LATS1: variants seen among roughly 807,000 people sequenced by gnomAD.
The protein encoded by LATS1 is large tumor suppressor kinase 1.
A neutral mutation model predicts 106.6 loss-of-function variants in LATS1; 25 were observed. That is an observed-to-expected ratio of 0.23 (90% CI 0.17 to 0.33). The LOEUF is 0.33. Among genes scored for constraint, LATS1 ranks in the 10% least tolerant of loss-of-function variants. The pLI is 1.00. For missense variants in LATS1, 1,040 were observed against 1,382.6 expected (o/e 0.75, Z 3.93); for synonymous variants, 465 against 455.6 (o/e 1.02, Z -0.26).
In LATS1 at chr6:149,717,942, CT is replaced by C. The variant is rs1371629377; in HGVS notation, c.-235del. On this transcript the variant is annotated 5_prime_UTR_variant, in exon 1 of 8. Transcript: ENST00000543571. ...TCCGTCCCAGCAACCCCAAGTATCC[CT>C]GGTGGGGCAGAGCGGGGAGACGAAC... 2.8e-6 allele frequency: 1 copy of C among 361,910 alleles called. No homozygotes were observed. The highest frequency in any genetic ancestry group is 5.3e-6 in the Non-Finnish European group (1 of 188,938). The allele number at this position is 361,910 out of a possible 1,614,324, so 22.4% of individuals were successfully genotyped here.
intron 7 of LATS1, among the ~76,000 whole-genome samples, chr6:149,663,812 A>ATT (rs781486645): frequency 1.4e-5 from 2 of 144,420 alleles, no homozygotes; most frequent in Admixed American, 7.0e-5. Flanking sequence ...GAGATGAACA[A>ATT]TTTTTTTTTT....
chr6:149,717,604 C>G (rs1784479400), intron 1 of LATS1: 1 of 154,676 alleles, frequency 6.5e-6, no homozygotes, highest in Non-Finnish European at 1.4e-5. Flanking sequence ...AAACCTGCAC[C>G]TCCGAGGCCG....
chr6:149,673,678 C>CTT (rs146560879), intron 7 of LATS1, among the ~76,000 whole-genome samples: 3 of 142,940 alleles, frequency 2.1e-5, no homozygotes, highest in Non-Finnish European at 4.6e-5. Context: ...CTTTTTTTTC[C>CTT]TTTTTTTTTT....
rs967477416 is a variant in LATS1 at position 149,684,241 on chromosome 6, T to C, written c.848A>G (p.Tyr283Cys). 6.2e-7 allele frequency: 1 copy of C among 1,614,148 alleles called. No individual in the cohort carries two copies. The highest frequency in any genetic ancestry group is 8.5e-7 in the Non-Finnish European group (1 of 1,180,008). Residue 283 changes from tyrosine (Y) to cysteine (C), a missense_variant, in exon 4 of 8, where the codon TAC becomes TGC. Physicochemically the swap from Tyr to Cys is radical, Grantham distance 194 (BLOSUM62 -2). Transcript: ENST00000543571. ...QTKRYSGNME[Y>C]VISRISPVPP... ...GACAGGAGAGATTCGGGAGATTACG[T>C]ATTCCATGTTTCCAGAATAGCGCTT...
intron 7 of LATS1, among the ~76,000 whole-genome samples, chr6:149,663,484 A>G (rs1048562235): frequency 6.6e-6 from 1 of 152,108 alleles, no homozygotes; most frequent in Non-Finnish European, 1.5e-5. Flanking sequence ...CAAAAGAGGG[A>G]AAAAAAATCT....
intron 7 of LATS1, among the ~76,000 whole-genome samples, chr6:149,664,226 T>C (rs1781027371): frequency 6.7e-6 from 1 of 148,162 alleles, no homozygotes; most frequent in South Asian, 2.1e-4. Flanking sequence ...TAAAATTATA[T>C]AAACTGAAGC....
chr6:149,667,965 G>A (rs1485100616), intron 7 of LATS1, among the ~76,000 whole-genome samples: 3 of 151,354 alleles, frequency 2.0e-5, no homozygotes, highest in East Asian at 2.0e-4. Context: ...CTGTCGCCCC[G>A]GCTGGAGTGC....
chr6:149,707,011 C>CTTTTT (rs745424840), intron 1 of LATS1, among the ~76,000 whole-genome samples: 3 of 110,428 alleles, frequency 2.7e-5, no homozygotes, highest in African/African-American at 1.1e-4. Context: ...CTGGACATCT[C>CTTTTT]TTTTTTTTTT....
chr6:149,712,673 A>G (rs1784171602), intron 1 of LATS1, among the ~76,000 whole-genome samples: 1 of 152,066 alleles, frequency 6.6e-6, no homozygotes, highest in South Asian at 2.1e-4. Flanking sequence ...GTTTGATTCT[A>G]AGCATGCTTT....
rs142425039 is a variant in LATS1, at chr6:149,709,668, CT to C, written c.-140-7403del. 8.9e-3 allele frequency among the ~76,000 whole-genome samples: 675 copies of C among 75,490 alleles called. 6 individuals carry two copies. Among genetic ancestry groups the C allele is most frequent in the African/African-American group, 0.026 (537 of 20,472 alleles). 49.5% of individuals were successfully genotyped at this position (75,490 alleles called of 152,430 possible). A position where few individuals can be genotyped will look rare whatever the true frequency, so the allele number is the denominator to read the frequency against. ...AACCCTGGTCTCCACAACCCCTTAT[CT>C]TTTTTTTTTTTTTTTTTTTTTTTTT... On this transcript the variant is annotated intron_variant, in intron 1 of 7. Coordinates refer to ENST00000543571, the MANE Select transcript of LATS1 (RefSeq NM_004690.4).
Position 149,659,547 on chromosome 6 carries a change from G to T in LATS1, c.*2182C>A, listed in dbSNP as rs978642054. On this transcript the variant is annotated 3_prime_UTR_variant, in exon 8 of 8. Transcript: ENST00000543571. ...AATACAGATTTTGTGGGAAGGGAAG[G>T]GGGAGGAGACAGCACCTTAGTTTTC... The T allele has an allele frequency of 8.7e-6, 2 of 230,758 alleles. No individual in the cohort carries two copies. Among genetic ancestry groups the T allele is most frequent in the East Asian group, 1.2e-4 (2 of 16,244 alleles). The allele number at this position is 230,758 out of a possible 1,614,324, so 14.3% of individuals were successfully genotyped here. A position where few individuals can be genotyped will look rare whatever the true frequency, so the allele number is the denominator to read the frequency against.
chr6:149,703,926 C>CA (rs757929871), intron 1 of LATS1, among the ~76,000 whole-genome samples: 2 of 152,188 alleles, frequency 1.3e-5, no homozygotes, highest in Non-Finnish European at 2.9e-5. Context: ...GACACCAGTC[C>CA]AGATGTTCAT....
At chr6:149,690,180 AACATAT>A (rs1160464455) in intron 3 of LATS1, among the ~76,000 whole-genome samples, 1 of 151,884 alleles carries the variant, frequency 6.6e-6, no homozygotes, top group East Asian at 1.9e-4. Context: ...AAACTATTTA[AACATAT>A]ACATATATGT....
At chr6:149,696,175 G>C (rs1433759871) in intron 2 of LATS1, among the ~76,000 whole-genome samples, 3 of 149,468 alleles carry the variant, frequency 2.0e-5, no homozygotes, top group Non-Finnish European at 4.4e-5. Context: ...CCAAAGTGCT[G>C]GGATTACAGG....
In LATS1 at chr6:149,684,562, T is replaced by C. The variant is rs1271535714; in HGVS notation, c.527A>G (p.Gln176Arg). Residue 176 changes from glutamine (Q) to arginine (R), a missense_variant, in exon 4 of 8, where the codon CAG (glutamine) becomes CGG (arginine). This residue lies in a region of LATS1 where 624 missense variants were observed against 714.8 expected (regional missense o/e 0.87). Transcript: ENST00000543571. Reference protein sequence around the residue: ...GNVQQSVNRKQSWKGSKESLV... With the variant: ...GNVQQSVNRKRSWKGSKESLV... ...GGATTCTTTAGAACCTTTCCAGCTC[T>C]GTTTGCGGTTAACTGATTGCTGCAC... 1.2e-6 allele frequency: 2 copies of C among 1,605,314 alleles called. No individual in the cohort carries two copies. Among genetic ancestry groups the C allele is most frequent in the South Asian group, 1.1e-5 (1 of 90,628 alleles).
At chr6:149,698,841 G>C (rs547878350) in intron 2 of LATS1, among the ~76,000 whole-genome samples, 1 of 152,034 alleles carries the variant, frequency 6.6e-6, no homozygotes, top group African/African-American at 2.4e-5. Flanking sequence ...GGATACAGGC[G>C]TGAGCCACCA....
At chr6:149,696,727 T>C (rs991227916) in intron 2 of LATS1, among the ~76,000 whole-genome samples, 2 of 152,146 alleles carry the variant, frequency 1.3e-5, no homozygotes, top group East Asian at 3.9e-4. Context: ...CAAAAGAAGA[T>C]ACTTAGACTA....
At chr6:149,694,422 G>A (rs952087131) in intron 3 of LATS1, among the ~76,000 whole-genome samples, 5 of 152,122 alleles carry the variant, frequency 3.3e-5, no homozygotes, top group East Asian at 1.9e-4. Context: ...TAAGCCTCCC[G>A]CATCAGTCTC....
intron 5 of LATS1, among the ~76,000 whole-genome samples, chr6:149,678,527 T>A (rs1158595379): frequency 6.6e-6 from 1 of 152,214 alleles, no homozygotes; most frequent in African/African-American, 2.4e-5. Flanking sequence ...GTAGGTTCAA[T>A]TGTCTCAGTT....
Sources: gnomAD v4.1 joint callset for allele counts (sites outside exome capture counted in the v4.1 genomes callset) on GRCh38, gnomAD v4.1.1 for gene constraint, gnomAD v4.1.1 regional missense constraint, MANE v1.5 for transcripts, NCBI Gene and HGNC (gene_info 2026-07-23, HGNC 2026-07-21) for gene names.